The following ANK1 variants were observed in gnomAD, a reference collection of about 807,000 sequenced individuals.
The protein encoded by ANK1 is ankyrin-1.
In ANK1, 51 loss-of-function variants were observed where a neutral mutation model predicts 210.4. The ratio of observed to expected loss-of-function variants is 0.24; its 90% CI spans 0.19 to 0.31. The LOEUF (loss-of-function observed/expected upper bound fraction) is 0.31, where lower values mean the gene tolerates loss of function less well. ANK1 is among the 10% of genes least tolerant of loss of function. The probability of loss-of-function intolerance (pLI) is 1.00; values close to 1 mark genes in which losing one functional copy is unlikely to be tolerated. For missense variants in ANK1, 2,051 were observed against 2,504.4 expected (o/e 0.82, Z 3.86); for synonymous variants, 967 against 1,025.9 (o/e 0.94, Z 1.10).
At chr8:41,723,004 A>T (rs1829662739) in intron 9 of ANK1, 121 bp downstream of exon 9, 1 of 891,372 alleles carries the variant, frequency 1.1e-6, no homozygotes, top group African/African-American at 1.6e-5. Flanking sequence ...ATAAATGTCA[A>T]AGGTGCTATC....
At chr8:41,690,383 T>C in intron 32 of ANK1, 37 bp from the exon 33 acceptor site, 3 of 1,614,182 alleles carry the variant, frequency 1.9e-6, no homozygotes, top group Non-Finnish European at 2.5e-6. Flanking sequence ...TCAGGGGCCC[T>C]TTTCTAGGCC....
chr8:41,827,268 A>G (rs1015962261), intron 1 of ANK1, among the ~76,000 whole-genome samples: 11 of 152,248 alleles, frequency 7.2e-5, no homozygotes, highest in African/African-American at 2.7e-4. Flanking sequence ...CACTTGTAAG[A>G]AAAGTACAGG....
Position 41,692,896 on chromosome 8 carries a change from A to G in ANK1, c.3630-20T>C, listed in dbSNP as rs1387071002. 4 of 1,608,500 alleles carry G rather than the reference A, an allele frequency of 2.5e-6. No homozygotes were observed. The African/African-American group carries it at 5.3e-5, about 22-fold the overall frequency. On this transcript the variant is annotated intron_variant, in intron 30 of 42. Coordinates refer to ENST00000289734, the MANE Select transcript of ANK1 (RefSeq NM_000037.4). ...CAAAACCTAAAAAGTAGGGCGAGTT[A>G]TGTGTTCCCAAGTGCCCAACAGAGA...
chr8:41,681,562 C>T (rs1332336631), intron 37 of ANK1, among the ~76,000 whole-genome samples: 1 of 152,234 alleles, frequency 6.6e-6, no homozygotes, highest in East Asian at 1.9e-4. Flanking sequence ...CCTATCACTA[C>T]CCAGAGTCCC....
chr8:41,797,472 G>C lies in ANK1; in HGVS notation c.27+40C>G. The C allele has an allele frequency of 6.3e-7, 1 of 1,594,782 alleles. No homozygotes were observed. The highest frequency in any genetic ancestry group is 8.6e-7 in the Non-Finnish European group (1 of 1,164,944). On this transcript the variant is annotated intron_variant, in intron 1 of 42. Coordinates refer to ENST00000289734, the MANE Select transcript of ANK1 (RefSeq NM_000037.4). The surrounding 1 kb of genome is among the most constrained non-coding windows in gnomAD (Gnocchi z 4.0). The stretch of plus-strand genomic sequence containing the variant: ...GGCGCGGCCTGGGTGGCCCCCTCCT[G>C]ACATCTCCCCGTCCACCCGAGCAGC...
At chr8:41,864,212 T>G (rs1813853466) in intron 1 of ANK1, among the ~76,000 whole-genome samples, 1 of 140,166 alleles carries the variant, frequency 7.1e-6, no homozygotes, top group South Asian at 2.2e-4. Flanking sequence ...ATCACGCCAC[T>G]GCACTCCAGC....
chr8:41,683,413 G>T (rs1235690735), intron 37 of ANK1, among the ~76,000 whole-genome samples: 2 of 152,192 alleles, frequency 1.3e-5, no homozygotes, highest in Non-Finnish European at 2.9e-5. Context: ...AGCGAGCAGG[G>T]TCCCCTGGTA....
At chr8:41,865,912 T>C (rs186617562) in intron 1 of ANK1, among the ~76,000 whole-genome samples, 21 of 152,240 alleles carry the variant, frequency 1.4e-4, no homozygotes, top group Non-Finnish European at 2.4e-4. Context: ...AGAAAATCTC[T>C]CCAAGGTATG....
chr8:41,870,294 A>G (rs892852987), intron 1 of ANK1, among the ~76,000 whole-genome samples: 1 of 152,106 alleles, frequency 6.6e-6, no homozygotes, highest in Non-Finnish European at 1.5e-5. Flanking sequence ...AAGAGGTTTC[A>G]ATGGGCACAG....
chr8:41,802,034 G>A (rs1056401432), upstream of ANK1, among the ~76,000 whole-genome samples: 1 of 152,082 alleles, frequency 6.6e-6, no homozygotes, highest in Non-Finnish European at 1.5e-5. Context: ...CTGTCGCCCA[G>A]GCTAGAGTGC....
intron 2 of ANK1, among the ~76,000 whole-genome samples, chr8:41,740,997 TG>T (rs1341101931): frequency 2.0e-5 from 3 of 151,884 alleles, no homozygotes; most frequent in African/African-American, 7.3e-5. Flanking sequence ...GCTGGGTGGG[TG>T]GGGAAGAGCA....
chr8:41,700,957 G>A (rs1199836885), intron 22 of ANK1, among the ~76,000 whole-genome samples: 4 of 151,962 alleles, frequency 2.6e-5, no homozygotes, highest in African/African-American at 7.3e-5. Context: ...TTGGAGAGAC[G>A]GGGGTCTCCC....
At chr8:41,740,300 A>G (rs1407276126) in intron 2 of ANK1, among the ~76,000 whole-genome samples, 2 of 151,846 alleles carry the variant, frequency 1.3e-5, no homozygotes, top group East Asian at 3.9e-4. Flanking sequence ...AGCTGGGATT[A>G]CAGGCGTCTG....
upstream of ANK1, among the ~76,000 whole-genome samples, chr8:41,799,446 C>T (rs769115796): frequency 2.6e-5 from 4 of 152,102 alleles, no homozygotes; most frequent in South Asian, 2.1e-4. Context: ...GCAGGAGTGA[C>T]GAAAGCTAGA....
intron 16 of ANK1, 148 bp from the exon 17 acceptor site, chr8:41,709,123 A>AACAC: frequency 1.3e-6 from 1 of 774,024 alleles, no homozygotes; most frequent in Non-Finnish European, 2.1e-6. Flanking sequence ...TAGGTAAACA[A>AACAC]ACAAACAAAC....
Position 41,837,021 on chromosome 8 carries a change from C to T in ANK1, c.126+59334G>A, listed in dbSNP as rs532219865. ...TGGTCTGTGGTCAGCAGTTGTGTGACGTCCCCCCAAGGGCAATGAGCATTG... is the reference window on the plus strand; with the variant it reads ...TGGTCTGTGGTCAGCAGTTGTGTGATGTCCCCCCAAGGGCAATGAGCATTG... On this transcript the variant is annotated intron_variant, in intron 1 of 42. Transcript: ENST00000265709. Among the ~76,000 whole-genome samples, 85 of 152,066 alleles carry T rather than the reference C, an allele frequency of 5.6e-4. No individual in the cohort carries two copies. In the South Asian group the frequency reaches 0.014, roughly 26 times the overall value.
intron 2 of ANK1, among the ~76,000 whole-genome samples, chr8:41,738,625 A>G (rs766476333): frequency 2.0e-5 from 3 of 152,220 alleles, no homozygotes; most frequent in Non-Finnish European, 4.4e-5. Context: ...AGGACTGCAA[A>G]TTATGTGAGC....
Position 41,692,562 on chromosome 8 carries a change from C to T in ANK1, c.3858+86G>A, listed in dbSNP as rs113434583. 6.6e-6 allele frequency: 9 copies of T among 1,362,490 alleles called. No homozygotes were observed. In the African/African-American group the frequency reaches 8.6e-5, roughly 13 times the overall value. The allele number at this position is 1,362,490 out of a possible 1,614,324, so 84.4% of individuals were successfully genotyped here. On this transcript the variant is annotated intron_variant, in intron 31 of 42. Transcript: ENST00000289734. ...GAGCCCCTCGTCTACAGAGGGAGGA[C>T]TGCCTGCCTGCACCTGGTAATGGTG... is the stretch of plus-strand genomic sequence containing the variant.
chr8:41,719,549 T>C, intron 10 of ANK1, 112 bp downstream of exon 10: 1 of 1,411,548 alleles, frequency 7.1e-7, no homozygotes, highest in Non-Finnish European at 1.0e-6. Flanking sequence ...GCCTCGAATC[T>C]GGGGAGCTCC....
Sources: gnomAD v4.1 joint callset for allele counts (sites outside exome capture counted in the v4.1 genomes callset) on GRCh38, gnomAD v4.1.1 for gene constraint, Gnocchi (gnomAD v3.1) non-coding constraint, MANE v1.5 for transcripts, NCBI Gene and HGNC (gene_info 2026-07-23, HGNC 2026-07-21) for gene names.